Variants in CRB1 observed in about 807,000 individuals in gnomAD.
CRB1 encodes the protein crumbs cell polarity complex component 1.
A neutral mutation model predicts 120.0 loss-of-function variants in CRB1; 83 were observed. The ratio of observed to expected loss-of-function variants is 0.69; its 90% CI spans 0.58 to 0.83. The LOEUF is 0.83. Ranked by LOEUF, CRB1 falls within the 40% of genes least tolerant of loss-of-function variation. CRB1 has a pLI of 0.00. For missense variants in CRB1, 1,699 were observed against 1,687.6 expected, an observed-to-expected ratio of 1.01 and a Z score of -0.12; for synonymous variants, 625 against 612.5, an observed-to-expected ratio of 1.02 and a Z score of -0.30.
At chr1:197,246,287 T>C in the CRB1 span, among the ~76,000 whole-genome samples, 17 of 152,088 alleles carry the variant, frequency 1.1e-4, no homozygotes, top group Non-Finnish European at 2.4e-4. Flanking sequence ...ACAGTTACAG[T>C]ATACAAGTTT....
chr1:197,405,317 A>T (rs1234515882), intron 5 of CRB1, among the ~76,000 whole-genome samples: 2 of 152,024 alleles, frequency 1.3e-5, no homozygotes, highest in Non-Finnish European at 2.9e-5. Context: ...ACCGCGAGTG[A>T]TCCGCCAGCC....
At chr1:197,223,776 G>GT in the CRB1 span, among the ~76,000 whole-genome samples, 2 of 152,074 alleles carry the variant, frequency 1.3e-5, no homozygotes, top group Admixed American at 6.6e-5. Flanking sequence ...CAGTCACTTA[G>GT]TTTTGGAACT....
chr1:197,452,527 A>C (rs1322201941), intron 11 of CRB1, among the ~76,000 whole-genome samples: 2 of 152,218 alleles, frequency 1.3e-5, no homozygotes, highest in Non-Finnish European at 2.9e-5. Flanking sequence ...AAGGGACCTT[A>C]CATATCAATT....
the CRB1 span, chr1:197,223,282 G>C: frequency 1.2e-6 from 1 of 852,388 alleles, no homozygotes; most frequent in South Asian, 1.4e-5. Context: ...AATTAGAAAA[G>C]GGGTTTGGAA....
chr1:197,454,053 C>T lies in CRB1; in HGVS notation c.4005+11761C>T, dbSNP rs1571599623. Among the ~76,000 whole-genome samples the T allele has an allele frequency of 2.7e-5, 4 of 149,748 alleles. No homozygotes were observed. The Admixed American group carries it at 2.7e-4, about 10-fold the overall frequency. ...GTTGCCGAGGCTGGTCTCAAGCTCC[C>T]AGGCTCAAGCAATCCTCCTGCCCTG... On this transcript the variant is annotated intron_variant, in intron 11 of 11. Transcript: ENST00000367400.
At chr1:197,370,083 A>G (rs978924584) in intron 5 of CRB1, among the ~76,000 whole-genome samples, 5 of 152,174 alleles carry the variant, frequency 3.3e-5, no homozygotes, top group African/African-American at 9.7e-5. Context: ...AATCTTTTTC[A>G]GACAAACAAA....
chr1:197,226,333 A>G, the CRB1 span, among the ~76,000 whole-genome samples: 1 of 152,238 alleles, frequency 6.6e-6, no homozygotes, highest in Non-Finnish European at 1.5e-5. Context: ...GATCATTTCT[A>G]CCTGAAGTCC....
chr1:197,209,026 C>T, the CRB1 span, among the ~76,000 whole-genome samples: 3 of 152,110 alleles, frequency 2.0e-5, no homozygotes, highest in Admixed American at 6.5e-5. Context: ...CACTTACAGA[C>T]CTCACCCCGC....
At chr1:197,406,665 C>T (rs1663426683) in intron 5 of CRB1, among the ~76,000 whole-genome samples, 1 of 152,084 alleles carries the variant, frequency 6.6e-6, no homozygotes, top group African/African-American at 2.4e-5. Context: ...ATGAATGGAT[C>T]TCTAACATAA....
chr1:197,392,369 C>T (rs559565680), intron 5 of CRB1, among the ~76,000 whole-genome samples: 11 of 151,934 alleles, frequency 7.2e-5, no homozygotes, highest in Non-Finnish European at 1.5e-4. Context: ...AATGAGAAAA[C>T]CAGGTTAACA....
chr1:197,398,618 T>C (rs1558107719), intron 5 of CRB1, among the ~76,000 whole-genome samples: 1 of 152,170 alleles, frequency 6.6e-6, no homozygotes, highest in Non-Finnish European at 1.5e-5. Flanking sequence ...AAATTTATGG[T>C]CAATTTATAC....
At chr1:197,407,630 A>C (rs1663482922) in intron 5 of CRB1, among the ~76,000 whole-genome samples, 1 of 152,190 alleles carries the variant, frequency 6.6e-6, no homozygotes, top group South Asian at 2.1e-4. Flanking sequence ...GCTCATAAAA[A>C]ATGCAGCTAT....
chr1:197,347,623 A>G, intron 4 of CRB1, 144 bp downstream of exon 4: 3 of 903,460 alleles, frequency 3.3e-6, no homozygotes, highest in South Asian at 1.7e-5. Context: ...TTTATTCTTC[A>G]GTGCTCACAC....
intron 1 of CRB1, among the ~76,000 whole-genome samples, chr1:197,277,087 T>G (rs1415211): frequency 0.97 from 147,458 of 151,946 alleles, 71,576 homozygotes; most frequent in Middle Eastern, 1. Flanking sequence ...TACAAATCAG[T>G]GTTTGGGAAG....
At chr1:197,315,154 G>T (rs946579444) in intron 1 of CRB1, among the ~76,000 whole-genome samples, 7 of 152,150 alleles carry the variant, frequency 4.6e-5, no homozygotes, top group African/African-American at 1.7e-4. Context: ...CACTAACAGT[G>T]CTCAGTTCCC....
At chr1:197,258,259 C>T in the CRB1 span, among the ~76,000 whole-genome samples, 1 of 152,076 alleles carries the variant, frequency 6.6e-6, no homozygotes, top group Non-Finnish European at 1.5e-5. Context: ...TTATCTTTTT[C>T]ATACCTTCAG....
At chr1:197,442,454 C>T (rs763620503) in intron 11 of CRB1, 162 bp downstream of exon 11, 3 of 1,543,668 alleles carry the variant, frequency 1.9e-6, no homozygotes, top group Non-Finnish European at 2.6e-6. Flanking sequence ...AAAAAAAAGC[C>T]ATTGAATTTC....
chr1:197,327,934 CAA>C (rs1458386155), intron 1 of CRB1, among the ~76,000 whole-genome samples: 2 of 152,208 alleles, frequency 1.3e-5, no homozygotes, highest in East Asian at 3.9e-4. Context: ...AGAGGGAAAA[CAA>C]AAAGTCTGAA....
Position 197,347,428 on chromosome 1 carries a change from A to G in CRB1, c.937A>G (p.Asn313Asp). 1 of 1,614,072 alleles carries G rather than the reference A, an allele frequency of 6.2e-7. No individual in the cohort carries two copies. Among genetic ancestry groups the G allele is most frequent in the Non-Finnish European group, 8.5e-7 (1 of 1,179,926 alleles). Residue 313 changes from asparagine (N) to aspartate (D), a missense_variant, in exon 4 of 12, where the codon AAT becomes GAT. Coordinates refer to ENST00000367400, the MANE Select transcript of CRB1 (RefSeq NM_201253.3). ...PLCWSKPCHN[N>D]ATCEDSVDNY... ...TTGTTGGTCAAAACCTTGTCACAAT[A>G]ATGCTACATGTGAGGACAGTGTTGA...
Sources: gnomAD v4.1 joint callset for allele counts (sites outside exome capture counted in the v4.1 genomes callset) on GRCh38, gnomAD v4.1.1 for gene constraint, MANE v1.5 for transcripts, NCBI Gene and HGNC (gene_info 2026-07-23, HGNC 2026-07-21) for gene names.